Variants in SLC6A17 observed in about 807,000 individuals in gnomAD.
SLC6A17 encodes sodium-dependent neutral amino acid transporter SLC6A17.
A neutral mutation model predicts 64.5 loss-of-function variants in SLC6A17; 21 were observed. The observed-to-expected ratio is 0.33, with a 90% CI of 0.23 to 0.47. SLC6A17 has a LOEUF of 0.47. SLC6A17 is among the 20% of genes least tolerant of loss of function. The pLI, the probability that SLC6A17 is intolerant of heterozygous loss-of-function variation, is 1.00. For synonymous variants in SLC6A17, 372 were observed against 399.5 expected (o/e 0.93, Z 0.82); for missense variants, 682 against 963.2 (o/e 0.71, Z 3.86).
intron 11 of SLC6A17, among the ~76,000 whole-genome samples, chr1:110,197,850 A>G (rs2761444): frequency 0.38 from 58,442 of 152,102 alleles, 13,166 homozygotes; most frequent in Non-Finnish European, 0.51. Context: ...TTCTCTCTCC[A>G]TGCCTGTGGA....
Position 110,176,659 on chromosome 1 carries a change from G to A in SLC6A17, c.784G>A (p.Val262Met), listed in dbSNP as rs753581585. Reference sequence around the variant, plus strand: ...GTATTTCAGCTCCCTCTTCCCCTACGTGGTGCTGGCCTGCTTCCTGGTCCG... The same window carrying A: ...GTATTTCAGCTCCCTCTTCCCCTACATGGTGCTGGCCTGCTTCCTGGTCCG... ...VMYFSSLFPYVVLACFLVRGL... is the reference protein window; with the variant it reads ...VMYFSSLFPYMVLACFLVRGL... The change falls in exon 6 of 12, where the codon GTG (valine) becomes ATG (methionine). Residue 262 changes from valine to methionine, a missense_variant. Coordinates refer to ENST00000331565, the MANE Select transcript of SLC6A17 (RefSeq NM_001010898.4). The A allele has an allele frequency of 1.0e-4, 167 of 1,614,002 alleles. 1 individual carries two copies. Among genetic ancestry groups the A allele is most frequent in the Non-Finnish European group, 1.3e-4 (156 of 1,179,996 alleles).
rs72692324 is a variant in SLC6A17 at position 110,182,315 on chromosome 1, G to T, written c.864+5576G>T. Reference sequence around the variant, plus strand: ...TCATGGAGATGGGGAAGACAGTGGAGGGAACAGATTTGGTGGGGAACATCA... The same window carrying T: ...TCATGGAGATGGGGAAGACAGTGGATGGAACAGATTTGGTGGGGAACATCA... On this transcript the variant is annotated intron_variant, in intron 6 of 11. Transcript: ENST00000331565. Among the ~76,000 whole-genome samples the T allele has an allele frequency of 5.3e-4, 81 of 152,318 alleles. 1 individual carries two copies. The highest frequency in any genetic ancestry group is 4.7e-4 in the Non-Finnish European group (32 of 68,024).
chr1:110,161,536 G>A (rs767469804), intron 1 of SLC6A17, among the ~76,000 whole-genome samples: 1 of 152,114 alleles, frequency 6.6e-6, no homozygotes, highest in African/African-American at 2.4e-5. Context: ...GAGGGGCGGG[G>A]CAGGGTAGGC....
At chr1:110,182,066 A>G (rs896406578) in intron 6 of SLC6A17, among the ~76,000 whole-genome samples, 1 of 152,222 alleles carries the variant, frequency 6.6e-6, no homozygotes, top group Non-Finnish European at 1.5e-5. Context: ...GAATGAGGAC[A>G]GGACAGGGAG....
rs1384597281 is a variant in SLC6A17 at position 110,174,118 on chromosome 1, T to A, written c.571+19T>A. 6.2e-7 allele frequency: 1 copy of A among 1,613,278 alleles called. No individual in the cohort carries two copies. The highest frequency in any genetic ancestry group is 8.5e-7 in the Non-Finnish European group (1 of 1,179,622). On this transcript the variant is annotated intron_variant, in intron 4 of 11. Coordinates refer to ENST00000331565, the MANE Select transcript of SLC6A17 (RefSeq NM_001010898.4). ...GTGGCAGGCAAGTATGGGGCCCAGCTGGGGATGCCAGCCAGCCCTGTCCCA... is the reference window on the plus strand; with the variant it reads ...GTGGCAGGCAAGTATGGGGCCCAGCAGGGGATGCCAGCCAGCCCTGTCCCA...
rs946957162 is a variant in SLC6A17, at chr1:110,192,292, G to T, written c.1106+79G>T. 5 of 1,551,592 alleles carry T rather than the reference G, an allele frequency of 3.2e-6. No homozygotes were observed. The highest frequency in any genetic ancestry group is 4.4e-6 in the Non-Finnish European group (5 of 1,144,958). On this transcript the variant is annotated intron_variant, in intron 7 of 11. Coordinates refer to ENST00000331565, the MANE Select transcript of SLC6A17 (RefSeq NM_001010898.4). This position sits in a 1 kb window ranked among gnomAD's most constrained non-coding sequence, Gnocchi z 4.3. ...AGTGGGCAGGGGTGGGGGCGCAGGT[G>T]TGCATGGGGAGAGAGGTCCCCTCCA...
chr1:110,168,833 CCA>C (rs1656142945), intron 2 of SLC6A17, among the ~76,000 whole-genome samples: 1 of 152,192 alleles, frequency 6.6e-6, no homozygotes, highest in Non-Finnish European at 1.5e-5. Flanking sequence ...AGTGTTCTTG[CCA>C]CAGTCTGATT....
chr1:110,194,068 A>C (rs1470267147), intron 8 of SLC6A17, among the ~76,000 whole-genome samples: 1 of 152,108 alleles, frequency 6.6e-6, no homozygotes, highest in Non-Finnish European at 1.5e-5. Flanking sequence ...AAAAACTCTG[A>C]CACCCAGCTT....
In SLC6A17 at chr1:110,174,786, G is replaced by A. The variant is rs1382044227; in HGVS notation, c.579G>A (p.Glu193=). 1 of 1,614,032 alleles carries A rather than the reference G, an allele frequency of 6.2e-7. No homozygotes were observed. ...CCTTTGCTGCTATTTCAGTGGTGGA[G>A]GCAGAGTGTGAAAAGAGCTCAGCCA... The part of the protein sequence containing the change: ...VVRNGSVAVV[E]AECEKSSATT... Residue 193 remains glutamate, a synonymous_variant, in exon 5 of 12, where the codon GAG becomes GAA. Coordinates refer to ENST00000331565, the MANE Select transcript of SLC6A17 (RefSeq NM_001010898.4).
chr1:110,153,030 C>A lies in SLC6A17; in HGVS notation c.-88+2147C>A. 3.3e-5 allele frequency among the ~76,000 whole-genome samples: 5 copies of A among 152,296 alleles called. No individual in the cohort carries two copies. In the Middle Eastern group the frequency reaches 0.017, roughly 518 times the overall value. ...CCCCATGAGACCCTAAATTGGGAAG[C>A]CTGCTTAAGAGCAGGATTAGTGTTG... On this transcript the variant is annotated intron_variant, in intron 1 of 11. Transcript: ENST00000331565.
rs770108919 is a variant in SLC6A17 at position 110,174,934 on chromosome 1, G to C, written c.727G>C (p.Val243Leu). The change falls in exon 5 of 12, where the codon GTT (valine) becomes CTT (leucine). Residue 243 changes from valine (V) to leucine (L), a missense_variant. Val to Leu is a conservative substitution (Grantham distance 32, BLOSUM62 1). Transcript: ENST00000331565. Reference sequence around the variant, plus strand: ...CTGGAGCATCGTGGGGATGGCTGTCGTTAAGGGCATCCAGTCCTCGGGGAA... The same window carrying C: ...CTGGAGCATCGTGGGGATGGCTGTCCTTAAGGGCATCCAGTCCTCGGGGAA... ...VAWSIVGMAV[V>L]KGIQSSGKVM... 6.2e-7 allele frequency: 1 copy of C among 1,613,938 alleles called. No homozygotes were observed. The highest frequency in any genetic ancestry group is 8.5e-7 in the Non-Finnish European group (1 of 1,179,972).
chr1:110,172,784 T>C (rs868427554), intron 3 of SLC6A17, among the ~76,000 whole-genome samples: 1 of 152,198 alleles, frequency 6.6e-6, no homozygotes, highest in South Asian at 2.1e-4. Context: ...CCAGTGGCCC[T>C]GGATGGAGAA....
intron 10 of SLC6A17, among the ~76,000 whole-genome samples, chr1:110,196,108 T>C (rs1656959371): frequency 6.6e-6 from 1 of 152,116 alleles, no homozygotes; most frequent in Non-Finnish European, 1.5e-5. Context: ...TGGTTCACAA[T>C]TGTAAGGGCC....
chr1:110,170,339 C>T (rs992324811), intron 2 of SLC6A17, among the ~76,000 whole-genome samples: 5 of 152,140 alleles, frequency 3.3e-5, no homozygotes, highest in African/African-American at 9.7e-5. Flanking sequence ...AAAAAATTAG[C>T]CGGGCGTGGT....
chr1:110,180,350 T>C (rs1656489325), intron 6 of SLC6A17, among the ~76,000 whole-genome samples: 1 of 152,086 alleles, frequency 6.6e-6, no homozygotes, highest in South Asian at 2.1e-4. Context: ...AAACCCACAT[T>C]TTGGGGGATG....
chr1:110,181,338 A>G (rs1364105407), intron 6 of SLC6A17, among the ~76,000 whole-genome samples: 1 of 152,262 alleles, frequency 6.6e-6, no homozygotes, highest in East Asian at 1.9e-4. Context: ...CTCATACGTA[A>G]GCAAAATGAT....
In SLC6A17 at chr1:110,150,688, G is replaced by C. The variant is rs1190617129; in HGVS notation, c.-283G>C. On this transcript the variant is annotated 5_prime_UTR_variant, in exon 1 of 12. Coordinates refer to ENST00000331565, the MANE Select transcript of SLC6A17 (RefSeq NM_001010898.4). ...CCGAGCGCGCGGCGGGCGGGAGCCA[G>C]GTTGGGACTGGTGGTGAGGCAGGGA... The C allele has an allele frequency of 6.6e-6, 1 of 152,220 alleles. No homozygotes were observed. The highest frequency in any genetic ancestry group is 6.5e-5 in the Admixed American group (1 of 15,288). 9.4% of individuals were successfully genotyped at this position (152,220 alleles called of 1,614,324 possible).
intron 6 of SLC6A17, among the ~76,000 whole-genome samples, chr1:110,189,024 C>A (rs1184619791): frequency 6.6e-6 from 1 of 152,314 alleles, no homozygotes; most frequent in East Asian, 1.9e-4. Flanking sequence ...CCTTCTCTGA[C>A]TCCCTTTCAG....
At chr1:110,174,989 C>A in intron 5 of SLC6A17, 29 bp downstream of exon 5, 2 of 1,601,398 alleles carry the variant, frequency 1.2e-6, no homozygotes, top group Non-Finnish European at 1.7e-6. Flanking sequence ...ACCCAGGACC[C>A]AAATGGGGAA....
Sources: allele counts gnomAD v4.1 joint callset (sites outside exome capture counted in the v4.1 genomes callset), GRCh38; gene constraint gnomAD v4.1.1; non-coding constraint Gnocchi (gnomAD v3.1); transcripts MANE v1.5; gene names NCBI Gene and HGNC (gene_info 2026-07-23, HGNC 2026-07-21).